GALNTL6: variants seen among roughly 807,000 people sequenced by gnomAD.
GALNTL6 encodes polypeptide N-acetylgalactosaminyltransferase-like 6.
Under a neutral mutation model 73.7 loss-of-function variants are expected in GALNTL6, and 46 were observed. That is an observed-to-expected ratio of 0.62 (90% CI 0.49 to 0.80). The LOEUF (loss-of-function observed/expected upper bound fraction) is 0.80, where lower values mean the gene tolerates loss of function less well. Ranked by LOEUF, GALNTL6 falls within the 30% of genes least tolerant of loss-of-function variation. GALNTL6 has a pLI of 0.00. For missense variants in GALNTL6, 604 were observed against 755.0 expected (o/e 0.80, Z 2.34); for synonymous variants, 259 against 263.7 (o/e 0.98, Z 0.17).
At position 172,586,689 on chromosome 4, in the gene GALNTL6, A is replaced by G. The variant is rs116463407; in HGVS notation, c.554-222672A>G. 3.3e-3 allele frequency among the ~76,000 whole-genome samples: 498 copies of G among 152,332 alleles called. 3 individuals are homozygous for G. The highest frequency in any genetic ancestry group is 0.011 in the African/African-American group (475 of 41,576). On this transcript the variant is annotated intron_variant, in intron 5 of 12. Transcript: ENST00000506823. ...TTCATTCTAAATTCTTGGCTTAGACAAGAAGAATGCATTATTAAGTTTTAA... is the reference window on the plus strand; with the variant it reads ...TTCATTCTAAATTCTTGGCTTAGACGAGAAGAATGCATTATTAAGTTTTAA...
intron 7 of GALNTL6, among the ~76,000 whole-genome samples, chr4:172,881,381 C>T (rs1482669006): frequency 6.6e-6 from 1 of 152,172 alleles, no homozygotes; most frequent in Non-Finnish European, 1.5e-5. Flanking sequence ...TTTCTGAATT[C>T]TGCCCACTTT....
chr4:172,455,514 T>TGGGTCG (rs1221935637), intron 5 of GALNTL6, among the ~76,000 whole-genome samples: 1 of 152,070 alleles, frequency 6.6e-6, no homozygotes, highest in Non-Finnish European at 1.5e-5. Flanking sequence ...CACTCGAGCT[T>TGGGTCG]GGGTCGGGGA....
chr4:172,425,301 A>G (rs1030918870), intron 5 of GALNTL6: 1 of 152,128 alleles, frequency 6.6e-6, no homozygotes, highest in Non-Finnish European at 1.5e-5. Context: ...GAAATCAACA[A>G]GCTGAAAAAA....
At chr4:171,884,435 T>C (rs1406390943) in intron 2 of GALNTL6, among the ~76,000 whole-genome samples, 1 of 152,080 alleles carries the variant, frequency 6.6e-6, no homozygotes, top group Admixed American at 6.6e-5. Context: ...ATTATCATCT[T>C]AGAGAAAACA....
chr4:172,904,739 C>T (rs747140946), intron 8 of GALNTL6, among the ~76,000 whole-genome samples: 22 of 147,184 alleles, frequency 1.5e-4, no homozygotes, highest in Middle Eastern at 3.4e-3. Flanking sequence ...TGTAGTCTCT[C>T]TTAAGCAGAA....
At chr4:172,519,522 T>TA (rs1004203446) in intron 5 of GALNTL6, among the ~76,000 whole-genome samples, 15 of 150,420 alleles carry the variant, frequency 1.0e-4, no homozygotes, top group Non-Finnish European at 2.1e-4. Context: ...TTTTTTTTTT[T>TA]AATTTACTTT....
intron 9 of GALNTL6, among the ~76,000 whole-genome samples, chr4:172,949,008 T>C (rs1230786074): frequency 5.9e-5 from 9 of 152,224 alleles, no homozygotes; most frequent in Admixed American, 5.9e-4. Context: ...AATTAGTTAG[T>C]TCCTCTATGA....
At chr4:172,338,081 G>A (rs1741407611) in intron 4 of GALNTL6, among the ~76,000 whole-genome samples, 1 of 152,082 alleles carries the variant, frequency 6.6e-6, no homozygotes, top group Admixed American at 6.5e-5. Flanking sequence ...GTCTTCAACT[G>A]TATTTTGAAA....
At chr4:171,894,586 T>C (rs1267335132) in intron 2 of GALNTL6, among the ~76,000 whole-genome samples, 1 of 152,212 alleles carries the variant, frequency 6.6e-6, no homozygotes, top group Non-Finnish European at 1.5e-5. Context: ...TGCTCTTTTG[T>C]CCAGGCCTCA....
chr4:172,400,002 G>A (rs1468014169), intron 5 of GALNTL6, among the ~76,000 whole-genome samples: 3 of 152,028 alleles, frequency 2.0e-5, no homozygotes, highest in African/African-American at 4.8e-5. Context: ...GTTCCAGCTG[G>A]TTTAGCCATT....
At chr4:172,621,099 GA>G (rs1420986463) in intron 5 of GALNTL6, among the ~76,000 whole-genome samples, 2 of 152,172 alleles carry the variant, frequency 1.3e-5, no homozygotes, top group Non-Finnish European at 2.9e-5. Context: ...ATATCATTAT[GA>G]AGGCATAAAT....
chr4:171,832,731 A>G (rs4476563), intron 2 of GALNTL6, among the ~76,000 whole-genome samples: 18,507 of 151,740 alleles, frequency 0.12, 1,919 homozygotes, highest in African/African-American at 0.28. Context: ...ATCACTTAAG[A>G]TTCATTAATA....
intron 5 of GALNTL6, among the ~76,000 whole-genome samples, chr4:172,528,898 T>C (rs1735062532): frequency 7.2e-6 from 1 of 139,618 alleles, no homozygotes; most frequent in South Asian, 2.3e-4. Context: ...CATATTCTCT[T>C]ATTCCTATTG....
intron 5 of GALNTL6, among the ~76,000 whole-genome samples, chr4:172,771,577 G>T (rs942880104): frequency 4.6e-5 from 7 of 152,136 alleles, no homozygotes; most frequent in African/African-American, 1.7e-4. Context: ...TTTGTAAATT[G>T]CTGTTTGTCT....
chr4:172,369,818 C>A (rs1742723075), intron 5 of GALNTL6, among the ~76,000 whole-genome samples: 1 of 152,158 alleles, frequency 6.6e-6, no homozygotes, highest in East Asian at 1.9e-4. Flanking sequence ...TGCACGAGCA[C>A]CTCATGCAGC....
chr4:172,533,415 C>T (rs1232128522), intron 5 of GALNTL6, among the ~76,000 whole-genome samples: 1 of 149,070 alleles, frequency 6.7e-6, no homozygotes, highest in Non-Finnish European at 1.5e-5. Flanking sequence ...ACCTCCGCCT[C>T]CCCAGTTCAA....
chr4:172,218,741 G>A (rs1050100992), intron 2 of GALNTL6, among the ~76,000 whole-genome samples: 1 of 151,838 alleles, frequency 6.6e-6, no homozygotes, highest in African/African-American at 2.4e-5. Context: ...ATTCCTCATA[G>A]TCATTTTTTA....
chr4:172,586,306 T>C (rs1016155464), intron 5 of GALNTL6, among the ~76,000 whole-genome samples: 2 of 152,164 alleles, frequency 1.3e-5, no homozygotes, highest in African/African-American at 4.8e-5. Context: ...TTTTTCAGGA[T>C]CACAGTTTAC....
At chr4:172,630,582 A>G (rs1739352511) in intron 5 of GALNTL6, among the ~76,000 whole-genome samples, 1 of 152,020 alleles carries the variant, frequency 6.6e-6, no homozygotes, top group Non-Finnish European at 1.5e-5. Flanking sequence ...CTCCATGGCA[A>G]TCTGTATTTA....
Sources: gnomAD v4.1 joint callset for allele counts (sites outside exome capture counted in the v4.1 genomes callset) on GRCh38, gnomAD v4.1.1 for gene constraint, MANE v1.5 for transcripts, NCBI Gene and HGNC (gene_info 2026-07-23, HGNC 2026-07-21) for gene names.